The following TSNARE1 variants were observed in gnomAD, a reference collection of about 807,000 sequenced individuals.
TSNARE1 encodes the protein t-SNARE domain-containing protein 1.
In TSNARE1, 49 loss-of-function variants were observed where a neutral mutation model predicts 62.0. The observed-to-expected ratio is 0.79, with a 90% CI of 0.63 to 1.00. TSNARE1 has a LOEUF of 1.00. TSNARE1 is among the 50% of genes least tolerant of loss of function. The pLI, the probability that TSNARE1 is intolerant of heterozygous loss-of-function variation, is 0.00. For missense variants in TSNARE1, 755 were observed against 700.1 expected (o/e 1.08, Z -0.88); for synonymous variants, 328 against 294.4 (o/e 1.11, Z -1.17).
intron 9 of TSNARE1, among the ~76,000 whole-genome samples, chr8:142,304,518 G>A (rs942523050): frequency 2.0e-5 from 3 of 152,214 alleles, no homozygotes; most frequent in Non-Finnish European, 1.5e-5. Flanking sequence ...CACAGCAGCT[G>A]TGCACCTCAC....
intron 4 of TSNARE1, among the ~76,000 whole-genome samples, chr8:142,340,616 A>T (rs901929784): frequency 6.7e-6 from 1 of 148,926 alleles, no homozygotes; most frequent in African/African-American, 2.5e-5. Flanking sequence ...CAATAAAGAA[A>T]GAAAATAATA....
intron 8 of TSNARE1, 24 bp downstream of exon 8, chr8:142,314,979 C>G: frequency 6.2e-7 from 1 of 1,612,856 alleles, no homozygotes; most frequent in African/African-American, 1.3e-5. Flanking sequence ...CTGCAGACCC[C>G]CACTGCCCCC....
At chr8:142,353,313 C>T (rs1317759899) in intron 2 of TSNARE1, among the ~76,000 whole-genome samples, 7 of 152,262 alleles carry the variant, frequency 4.6e-5, no homozygotes, top group Non-Finnish European at 8.8e-5. Flanking sequence ...TCACTTGTCT[C>T]TCTGCCTCCT....
intron 13 of TSNARE1, among the ~76,000 whole-genome samples, chr8:142,227,712 G>T (rs1275804303): frequency 6.6e-6 from 1 of 152,238 alleles, no homozygotes; most frequent in Admixed American, 6.5e-5. Flanking sequence ...GAGACCCCAG[G>T]GATGCGAAAC....
chr8:142,380,439 G>A (rs116511524), intron 1 of TSNARE1, among the ~76,000 whole-genome samples: 1,970 of 152,214 alleles, frequency 0.013, 43 homozygotes, highest in African/African-American at 0.044. Flanking sequence ...AGCCTCCTGC[G>A]GGCTGAACTG....
intron 11 of TSNARE1, 149 bp downstream of exon 11, chr8:142,284,264 G>A: frequency 1.6e-6 from 1 of 639,910 alleles, no homozygotes; most frequent in Non-Finnish European, 2.8e-6. Context: ...CAGGAGGGGA[G>A]GGAGCAGATG....
intron 1 of TSNARE1, among the ~76,000 whole-genome samples, chr8:142,371,052 T>C (rs1321257894): frequency 1.3e-5 from 2 of 152,216 alleles, no homozygotes; most frequent in Non-Finnish European, 2.9e-5. Context: ...GAGGACATCA[T>C]TTCAGATCCT....
intron 12 of TSNARE1, among the ~76,000 whole-genome samples, chr8:142,256,280 T>C (rs1586871658): frequency 1.9e-4 from 14 of 71,864 alleles, no homozygotes; most frequent in Non-Finnish European, 2.3e-4. Context: ...ACCACCACCA[T>C]TACCATCATC....
At chr8:142,264,709 A>G (rs566126550) in intron 12 of TSNARE1, among the ~76,000 whole-genome samples, 2 of 152,332 alleles carry the variant, frequency 1.3e-5, no homozygotes, top group East Asian at 3.9e-4. Context: ...TAAAATTAAC[A>G]TTGCTACTTA....
At chr8:142,406,848 AAGGGC>A (rs1307324387), upstream of TSNARE1, 1 of 152,236 alleles carries the variant, frequency 6.6e-6, no homozygotes, top group Non-Finnish European at 1.5e-5. Flanking sequence ...AGTCTCTGGG[AAGGGC>A]CTGACACAGC....
intron 1 of TSNARE1, among the ~76,000 whole-genome samples, chr8:142,356,101 CT>C (rs768251687): frequency 2.7e-4 from 41 of 152,256 alleles, no homozygotes; most frequent in Non-Finnish European, 4.6e-4. Context: ...TTAAAAACCA[CT>C]GCATTTTCCA....
chr8:142,393,549 G>A (rs1661778909), intron 1 of TSNARE1, among the ~76,000 whole-genome samples: 1 of 152,218 alleles, frequency 6.6e-6, no homozygotes, highest in Non-Finnish European at 1.5e-5. Flanking sequence ...ATTTACAATG[G>A]TCACAATAGT....
In TSNARE1 at chr8:142,365,602, G is replaced by A. The variant is rs13277213; in HGVS notation, c.-39-10839C>T. Among the ~76,000 whole-genome samples the A allele has an allele frequency of 9.2e-4, 133 of 144,500 alleles. No homozygotes were observed. In the East Asian group the frequency reaches 0.013, roughly 14 times the overall value. The allele number at this position is 144,500 out of a possible 152,430, so 94.8% of individuals were successfully genotyped here. ...AAACCATCCATAAACACATGCACAC[G>A]CACACACACACACACACACACACAC... On this transcript the variant is annotated intron_variant, in intron 1 of 13. Transcript: ENST00000524325.
intron 1 of TSNARE1, among the ~76,000 whole-genome samples, chr8:142,356,701 C>T (rs1036799923): frequency 3.9e-5 from 6 of 152,196 alleles, no homozygotes; most frequent in East Asian, 3.9e-4. Flanking sequence ...TTACTACACG[C>T]GCAGATTCAT....
At chr8:142,299,673 ACT>A (rs761296301) in intron 10 of TSNARE1, among the ~76,000 whole-genome samples, 14 of 151,912 alleles carry the variant, frequency 9.2e-5, no homozygotes, top group Non-Finnish European at 1.5e-4. Context: ...GCACACACGC[ACT>A]CACATGCATC....
chr8:142,278,726 G>A (rs558617794), intron 11 of TSNARE1: 351 of 985,394 alleles, frequency 3.6e-4, no homozygotes, highest in Middle Eastern at 5.2e-4. Context: ...GAGTGGGCCC[G>A]TGGGCTCGGA....
intron 1 of TSNARE1, among the ~76,000 whole-genome samples, chr8:142,379,255 T>C (rs1307106892): frequency 6.6e-6 from 1 of 151,994 alleles, no homozygotes; most frequent in East Asian, 1.9e-4. Context: ...CGTCACGGAG[T>C]AGGCACCACA....
At chr8:142,365,993 A>G (rs1563990130) in intron 1 of TSNARE1, 2 of 418,696 alleles carry the variant, frequency 4.8e-6, no homozygotes, top group South Asian at 3.5e-5. Flanking sequence ...AACATTTCCA[A>G]TGTGCCAAAA....
At chr8:142,306,018 C>T (rs750829388) in intron 9 of TSNARE1, among the ~76,000 whole-genome samples, 10 of 152,172 alleles carry the variant, frequency 6.6e-5, no homozygotes, top group Non-Finnish European at 1.0e-4. Context: ...TCATGCACTC[C>T]GACCCGAGGG....
Sources: allele counts gnomAD v4.1 joint callset (sites outside exome capture counted in the v4.1 genomes callset), GRCh38; gene constraint gnomAD v4.1.1; transcripts MANE v1.5; gene names NCBI Gene and HGNC (gene_info 2026-07-23, HGNC 2026-07-21).